The following IRX6 variants were observed in gnomAD, a reference collection of about 807,000 sequenced individuals.
IRX6 encodes iroquois-class homeodomain protein IRX-6.
IRX6 carries 46 observed loss-of-function variants against 47.7 expected under a neutral mutation model. The ratio of observed to expected loss-of-function variants is 0.96; its 90% confidence interval spans 0.76 to 1.23. The LOEUF (loss-of-function observed/expected upper bound fraction) is 1.23, where lower values mean the gene tolerates loss of function less well. Among genes scored for constraint, IRX6 ranks in the 50% most tolerant of loss-of-function variants. The pLI is 0.00. For synonymous variants in IRX6, 265 were observed against 246.2 expected, an observed-to-expected ratio of 1.08 and a Z score of -0.72; for missense variants, 722 against 588.0, an observed-to-expected ratio of 1.23 and a Z score of -2.36.
intron 1 of IRX6, 35 bp downstream of exon 1, chr16:55,325,171 C>G: frequency 6.2e-7 from 1 of 1,607,262 alleles, no homozygotes; most frequent in Non-Finnish European, 8.5e-7. Context: ...AGGGGACAGA[C>G]TGGGTGGAGG....
intron 5 of IRX6, among the ~76,000 whole-genome samples, chr16:55,329,780 C>T (rs1251434677): frequency 1.3e-5 from 2 of 152,236 alleles, no homozygotes; most frequent in African/African-American, 2.4e-5. Context: ...GCCAGACGCA[C>T]ACCACAGATT....
intron 3 of IRX6, 89 bp from the exon 4 acceptor site, chr16:55,327,497 A>G (rs548306948): frequency 1.7e-5 from 27 of 1,571,486 alleles, no homozygotes; most frequent in Admixed American, 5.1e-5. Flanking sequence ...AGAGGGAGGG[A>G]GCTGAACCAC....
Position 55,328,966 on chromosome 16 carries a change from C to T in IRX6, c.988C>T (p.Leu330Phe), listed in dbSNP as rs1303200649. 1.9e-6 allele frequency: 3 copies of T among 1,613,618 alleles called. No individual in the cohort carries two copies. The highest frequency in any genetic ancestry group is 2.2e-5 in the South Asian group (2 of 91,092). ...DPSGSEEADF[L>F]SAETGSPRLT... ...TTCCGGATCGGAAGAAGCTGACTTC[C>T]TCTCGGCGGAGACAGGCAGCCCTAG... Residue 330 changes from leucine (L) to phenylalanine (F), a missense_variant, in exon 5 of 6, where the codon CTC (leucine) becomes TTC (phenylalanine). Coordinates refer to ENST00000290552, the MANE Select transcript of IRX6 (RefSeq NM_024335.3).
At position 55,326,463 on chromosome 16, in the gene IRX6, G is replaced by A. The variant is rs1256409508; in HGVS notation, c.173G>A (p.Gly58Asp). Residue 58 changes from glycine to aspartate, a missense_variant, in exon 2 of 6, where the codon GGC becomes GAC. By Grantham distance (94) the Gly-to-Asp change is moderately conservative. Coordinates refer to ENST00000290552, the MANE Select transcript of IRX6 (RefSeq NM_024335.3). ...GCACCCTACGATAGTCGACTGCTGGGCAGTGCGCGACCGGAGCTGGGCGCC... is the reference window on the plus strand; with the variant it reads ...GCACCCTACGATAGTCGACTGCTGGACAGTGCGCGACCGGAGCTGGGCGCC... ...CCAPYDSRLL[G>D]SARPELGAAL... 3.7e-6 allele frequency: 6 copies of A among 1,613,712 alleles called. No individual in the cohort carries two copies. Among genetic ancestry groups the A allele is most frequent in the Non-Finnish European group, 4.2e-6 (5 of 1,180,006 alleles).
Position 55,324,907 on chromosome 16 carries a change from C to T in IRX6, c.-185C>T. The stretch of plus-strand genomic sequence containing the variant: ...CGGGCCGGAGGGGCGCCTTCCGGAG[C>T]GCAGGGCTCGGCAGCCGGGCTGCCC... On this transcript the variant is annotated 5_prime_UTR_variant, in exon 1 of 6. Transcript: ENST00000290552. This position sits in a 1 kb window ranked among gnomAD's most constrained non-coding sequence, Gnocchi z 4.4. 4.8e-6 allele frequency: 3 copies of T among 622,656 alleles called. No individual in the cohort carries two copies. The highest frequency in any genetic ancestry group is 4.3e-4 in the Middle Eastern group (1 of 2,344). The allele number at this position is 622,656 out of a possible 1,614,324, so 38.6% of individuals were successfully genotyped here. A position where few individuals can be genotyped will look rare whatever the true frequency, so the allele number is the denominator to read the frequency against.
intron 5 of IRX6, 136 bp downstream of exon 5, chr16:55,329,447 CGCTCTTTCAGACGGAA>C: frequency 1.7e-6 from 2 of 1,158,974 alleles, no homozygotes; most frequent in Non-Finnish European, 2.4e-6. Context: ...TGCTTTACAG[CGCTCTTTCAGACGGAA>C]GCGTAGAGAT....
chr16:55,328,776 G>A lies in IRX6; in HGVS notation c.798G>A (p.Glu266=). ...ACCTGGAGGAAGAGGAGGAGGAGGA[G>A]GAGGAAGCTGAAGACGAGGAGGTAG... ...LEDLEEEEEE[E]EEAEDEEVVA... is the part of the protein sequence containing the mutation. Residue 266 remains glutamate (E), a synonymous_variant, in exon 5 of 6, where the codon GAG becomes GAA. Transcript: ENST00000290552. 1.9e-6 allele frequency: 3 copies of A among 1,613,246 alleles called. No homozygotes were observed. In the East Asian group the frequency reaches 6.7e-5, roughly 36 times the overall value.
In IRX6 at chr16:55,327,301, A is replaced by C. The variant is rs1191624195; in HGVS notation, c.309A>C (p.Pro103=). 1 of 1,611,796 alleles carries C rather than the reference A, an allele frequency of 6.2e-7. No homozygotes were observed. The highest frequency in any genetic ancestry group is 8.5e-7 in the Non-Finnish European group (1 of 1,178,108). The part of the protein sequence containing the change: ...EPPSLYGALN[P]QYEFKEAAGS... ...CTCTTTTCCTCTCCCTCTAGAATCC[A>C]CAGTATGAATTTAAGGAGGCTGCAG... is the stretch of plus-strand genomic sequence containing the variant. Residue 103 remains proline (P), a synonymous_variant, in exon 3 of 6, where the codon CCA becomes CCC. Coordinates refer to ENST00000290552, the MANE Select transcript of IRX6 (RefSeq NM_024335.3).
chr16:55,326,544 C>T lies in IRX6; in HGVS notation c.254C>T (p.Pro85Leu). Residue 85 changes from proline to leucine, a missense_variant, in exon 2 of 6, where the codon CCT (proline) becomes CTT (leucine). Coordinates refer to ENST00000290552, the MANE Select transcript of IRX6 (RefSeq NM_024335.3). Reference protein sequence around the residue: ...YAAAAAAQSYPGYLPYSPEPP... With the variant: ...YAAAAAAQSYLGYLPYSPEPP... The stretch of plus-strand genomic sequence containing the variant: ...GCCGCTGCAGCTGCCCAGAGCTACC[C>T]TGGCTACCTGCCCTATAGCCCAGAG... 1 of 1,586,126 alleles carries T rather than the reference C, an allele frequency of 6.3e-7. No individual in the cohort carries two copies.
At chr16:55,326,899 G>T in intron 2 of IRX6, 1 of 228,884 alleles carries the variant, frequency 4.4e-6, no homozygotes, top group Non-Finnish European at 8.2e-6. Flanking sequence ...TCAGAGAAAA[G>T]CTCCTGAAGA....
chr16:55,327,894 G>A lies in IRX6; in HGVS notation c.721+1G>A, dbSNP rs759776004. 21 of 1,588,286 alleles carry A rather than the reference G, an allele frequency of 1.3e-5. No homozygotes were observed. Among genetic ancestry groups the A allele is most frequent in the Admixed American group, 1.8e-5 (1 of 56,942 alleles). On this transcript the variant is annotated splice_donor_variant, in intron 4 of 5. Coordinates refer to ENST00000290552, the MANE Select transcript of IRX6 (RefSeq NM_024335.3). LOFTEE classifies it high-confidence loss of function. ...GGCTGCCTAACTGCTGACACCAAAG[G>A]TACTGAAAACGTTCACCACCCCACC...
At position 55,326,421 on chromosome 16, in the gene IRX6, C is replaced by A. The variant is rs146462326; in HGVS notation, c.131C>A (p.Ala44Glu). The change falls in exon 2 of 6, where the codon GCG becomes GAG. Residue 44 changes from alanine to glutamate, a missense_variant. Coordinates refer to ENST00000290552, the MANE Select transcript of IRX6 (RefSeq NM_024335.3). ...VSDVASGSTP[A>E]PALCCAPYDS... is the part of the protein sequence containing the mutation. Reference sequence around the variant, plus strand: ...GATGTGGCATCAGGCTCCACCCCAGCGCCCGCTCTCTGCTGCGCACCCTAC... The same window carrying A: ...GATGTGGCATCAGGCTCCACCCCAGAGCCCGCTCTCTGCTGCGCACCCTAC... 6.8e-6 allele frequency: 11 copies of A among 1,614,050 alleles called. No individual in the cohort carries two copies. Among genetic ancestry groups the A allele is most frequent in the South Asian group, 1.1e-5 (1 of 91,084 alleles).
rs1272467821 is a variant in IRX6, at chr16:55,329,062, G to A, written c.1084G>A (p.Ala362Thr). ...TCTGGCGCACACCGCGACAGCCAGC[G>A]CTGTTGAAGGTGCACCCCCAGCCCG... ...WSLAHTATAS[A>T]VEGAPPARPR... is the part of the protein sequence containing the mutation. The change falls in exon 5 of 6, where the codon GCT becomes ACT. Residue 362 changes from alanine to threonine, a missense_variant. Physicochemically the swap from Ala to Thr is moderately conservative, Grantham distance 58. Transcript: ENST00000290552. 1.2e-6 allele frequency: 2 copies of A among 1,613,966 alleles called. No individual in the cohort carries two copies. The highest frequency in any genetic ancestry group is 2.7e-5 in the African/African-American group (2 of 74,930).
In IRX6 at chr16:55,327,613, CGGTCGCCGAAAG is replaced by C. The variant is rs1960556032; in HGVS notation, c.442_453del (p.Gly148_Lys151del). The C allele has an allele frequency of 1.2e-6, 2 of 1,607,316 alleles. No homozygotes were observed. The highest frequency in any genetic ancestry group is 1.7e-6 in the Non-Finnish European group (2 of 1,177,482). ...ATGGCGCAGTGGAATTGAGTGGCGC[CGGTCGCCGAAAG>C]AACGCGACCCGGGAGACCACCAGTA... is the stretch of plus-strand genomic sequence containing the variant. On this transcript the variant is annotated inframe_deletion, in exon 4 of 6. Transcript: ENST00000290552.
At position 55,327,905 on chromosome 16, in the gene IRX6, G is replaced by A. The variant is rs767130984; in HGVS notation, c.721+12G>A. 5.1e-6 allele frequency: 8 copies of A among 1,579,212 alleles called. No individual in the cohort carries two copies. The highest frequency in any genetic ancestry group is 6.9e-6 in the Non-Finnish European group (8 of 1,163,088). On this transcript the variant is annotated intron_variant, in intron 4 of 5. Transcript: ENST00000290552. ...TGCTGACACCAAAGGTACTGAAAAC[G>A]TTCACCACCCCACCTTAAGGGTTTT... is the stretch of plus-strand genomic sequence containing the variant.
intron 5 of IRX6, among the ~76,000 whole-genome samples, chr16:55,330,095 T>G (rs551431506): frequency 6.6e-6 from 1 of 152,206 alleles, no homozygotes; most frequent in Non-Finnish European, 1.5e-5. Context: ...TTTGTAGTAA[T>G]TTCTCTCAGG....
chr16:55,324,811 C>T lies in IRX6; in HGVS notation c.-281C>T. On this transcript the variant is annotated 5_prime_UTR_variant, in exon 1 of 6. In the 5' UTR this introduces an upstream ATG that the reference lacks. Transcript: ENST00000290552. The surrounding 1 kb of genome is among the most constrained non-coding windows in gnomAD (Gnocchi z 4.4). ...CGCGCCGCGCCTCACCTCGCCACCA[C>T]GCGCCTTTGGGAACCCGCATCTTCT... The T allele has an allele frequency of 1.9e-6, 1 of 522,806 alleles. No individual in the cohort carries two copies. Among genetic ancestry groups the T allele is most frequent in the Non-Finnish European group, 3.4e-6 (1 of 291,452 alleles). 32.4% of individuals were successfully genotyped at this position (522,806 alleles called of 1,614,324 possible).
chr16:55,326,038 T>A (rs1303663924), intron 1 of IRX6: 1 of 405,360 alleles, frequency 2.5e-6, no homozygotes, highest in Admixed American at 4.3e-5. Flanking sequence ...GGGTTTGGTG[T>A]CTTTAATTCC....
chr16:55,326,656 T>A, intron 2 of IRX6, 63 bp downstream of exon 2: 1 of 1,443,198 alleles, frequency 6.9e-7, no homozygotes, highest in East Asian at 2.5e-5. Flanking sequence ...CCAGAGAAAG[T>A]CAAGGAAAGA....
Sources: gnomAD v4.1 joint callset for allele counts (sites outside exome capture counted in the v4.1 genomes callset) on GRCh38, gnomAD v4.1.1 for gene constraint, Gnocchi (gnomAD v3.1) non-coding constraint, MANE v1.5 for transcripts, NCBI Gene and HGNC (gene_info 2026-07-23, HGNC 2026-07-21) for gene names.